The following ISOC1 variants were observed in gnomAD, a reference collection of about 807,000 sequenced individuals.
ISOC1 encodes the protein isochorismatase domain-containing protein 1.
A neutral mutation model predicts 30.0 loss-of-function variants in ISOC1; 33 were observed. The ratio of observed to expected loss-of-function variants is 1.10; its 90% confidence interval spans 0.83 to 1.47. The LOEUF (loss-of-function observed/expected upper bound fraction) is 1.47. Ranked by LOEUF, ISOC1 falls within the 40% of genes most tolerant of loss-of-function variation. The pLI, the probability that ISOC1 is intolerant of heterozygous loss-of-function variation, is 0.00. For synonymous variants in ISOC1, 178 were observed against 159.8 expected (o/e 1.11, Z -0.86); for missense variants, 372 against 388.0 (o/e 0.96, Z 0.35).
At chr5:129,111,621 C>CT (rs972828933) in intron 4 of ISOC1, among the ~76,000 whole-genome samples, 3 of 151,978 alleles carry the variant, frequency 2.0e-5, no homozygotes, top group Non-Finnish European at 2.9e-5. Context: ...CAGTTTGTGT[C>CT]TTTTTTTTCC....
intron 1 of ISOC1, among the ~76,000 whole-genome samples, chr5:129,100,523 A>T (rs1399671867): frequency 1.3e-5 from 2 of 152,142 alleles, no homozygotes. Context: ...TGATTTGTTT[A>T]TATTCCTTAA....
intron 4 of ISOC1, among the ~76,000 whole-genome samples, chr5:129,111,464 A>G (rs879945238): frequency 2.0e-5 from 3 of 152,194 alleles, no homozygotes; most frequent in Non-Finnish European, 4.4e-5. Context: ...CTGCTGATGT[A>G]CAGCCATTGA....
rs572683536 is a variant in ISOC1, at chr5:129,094,846, C to T, written c.80C>T (p.Pro27Leu). 5.7e-6 allele frequency: 9 copies of T among 1,567,830 alleles called. No individual in the cohort carries two copies. The highest frequency in any genetic ancestry group is 6.9e-6 in the Non-Finnish European group (8 of 1,159,034). ...GGAGAPSGTV[P>L]VLFCFSVFAR... The stretch of plus-strand genomic sequence containing the variant: ...GCGGGGGCGCCGTCGGGCACAGTCC[C>T]GGTGCTCTTCTGTTTCTCAGTCTTC... Residue 27 changes from proline to leucine, a missense_variant, in exon 1 of 5, where the codon CCG becomes CTG. By Grantham distance (98) the Pro-to-Leu change is moderately conservative. Coordinates refer to ENST00000173527, the MANE Select transcript of ISOC1 (RefSeq NM_016048.2).
At chr5:129,110,839 A>G (rs916139141) in intron 4 of ISOC1, among the ~76,000 whole-genome samples, 3 of 152,158 alleles carry the variant, frequency 2.0e-5, no homozygotes, top group Admixed American at 2.0e-4. Context: ...CTTTATTGGC[A>G]CATTGGAGTA....
Position 129,095,058 on chromosome 5 carries a change from G to T in ISOC1, c.292G>T (p.Val98Leu). ...GAGCGAGCGCTGCAAGGTGCGCCTC[G>T]TGCCGTTGCAGATCCAGGTGGGTCC... The part of the protein sequence containing the change: ...AVSERCKVRL[V>L]PLQIQLTTLG... Residue 98 changes from valine (V) to leucine (L), a missense_variant, in exon 1 of 5, where the codon GTG becomes TTG. Physicochemically the swap from Val to Leu is conservative, Grantham distance 32. Transcript: ENST00000173527. The T allele has an allele frequency of 6.3e-7, 1 of 1,581,836 alleles. No individual in the cohort carries two copies.
rs1356231466 is a variant in ISOC1, at chr5:129,112,828, T to C, written c.751-27T>C. On this transcript the variant is annotated intron_variant, in intron 4 of 4. Coordinates refer to ENST00000173527, the MANE Select transcript of ISOC1 (RefSeq NM_016048.2). ...AGTGTTCATTCTCATGCTTATTTCTTGATTTGCCTTTATCTTTTTGTTCAA... is the reference window on the plus strand; with the variant it reads ...AGTGTTCATTCTCATGCTTATTTCTCGATTTGCCTTTATCTTTTTGTTCAA... The C allele has an allele frequency of 3.7e-6, 6 of 1,606,172 alleles. 1 individual carries two copies. In the South Asian group the frequency reaches 5.6e-5, roughly 15 times the overall value.
chr5:129,109,221 G>A (rs1303267754), intron 4 of ISOC1, among the ~76,000 whole-genome samples: 1 of 152,134 alleles, frequency 6.6e-6, no homozygotes, highest in Non-Finnish European at 1.5e-5. Context: ...ACACAATGTG[G>A]GGATAATGTG....
At chr5:129,100,498 A>G (rs1753557235) in intron 1 of ISOC1, among the ~76,000 whole-genome samples, 1 of 152,182 alleles carries the variant, frequency 6.6e-6, no homozygotes, top group Non-Finnish European at 1.5e-5. Flanking sequence ...GTGTGTGGAT[A>G]CATATATTTA....
chr5:129,112,029 T>C (rs1006052958), intron 4 of ISOC1, among the ~76,000 whole-genome samples: 2 of 152,156 alleles, frequency 1.3e-5, no homozygotes, highest in Non-Finnish European at 2.9e-5. Flanking sequence ...CTGTTAATTA[T>C]AGGAAGGACT....
intron 1 of ISOC1, among the ~76,000 whole-genome samples, chr5:129,102,912 T>G (rs1035948551): frequency 1.3e-5 from 2 of 152,224 alleles, no homozygotes; most frequent in African/African-American, 4.8e-5. Context: ...AAATAGGATC[T>G]GAGAGCTGGA....
At chr5:129,100,928 C>G (rs1261989391) in intron 1 of ISOC1, among the ~76,000 whole-genome samples, 3 of 150,310 alleles carry the variant, frequency 2.0e-5, no homozygotes, top group Non-Finnish European at 4.4e-5. Context: ...AAAAAACTAA[C>G]TTTTTATTTT....
chr5:129,107,046 GGATGTTTGCCCTC>G lies in ISOC1; in HGVS notation c.737_749del (p.Met246SerfsTer9). On this transcript the variant is annotated frameshift_variant, in exon 4 of 5. Coordinates refer to ENST00000173527, the MANE Select transcript of ISOC1 (RefSeq NM_016048.2). LOFTEE classifies it high-confidence loss of function. ...ACCTCATCAAGAAGCATGATGGACA[GGATGTTTGCCCTC>G]GAGGTAATTGTCCTGCTTGGGAATA... 6.2e-7 allele frequency: 1 copy of G among 1,613,478 alleles called. No individual in the cohort carries two copies. The highest frequency in any genetic ancestry group is 8.5e-7 in the Non-Finnish European group (1 of 1,179,486).
In ISOC1 at chr5:129,104,717, T is replaced by A. The variant is rs1470952350; in HGVS notation, c.310-239T>A. Among the ~76,000 whole-genome samples the A allele has an allele frequency of 2.0e-5, 3 of 150,614 alleles. No individual in the cohort carries two copies. In the East Asian group the frequency reaches 5.8e-4, roughly 29 times the overall value. ...CATGTGAATGTGTTAAAATGTGTTA[T>A]ATCATATCTGTATTGTTGGCTGGTT... On this transcript the variant is annotated intron_variant, in intron 1 of 4. Coordinates refer to ENST00000173527, the MANE Select transcript of ISOC1 (RefSeq NM_016048.2).
Position 129,113,059 on chromosome 5 carries a change from T to G in ISOC1, c.*58T>G, listed in dbSNP as rs1297870336. 6.7e-7 allele frequency: 1 copy of G among 1,491,324 alleles called. No homozygotes were observed. Among genetic ancestry groups the G allele is most frequent in the East Asian group, 2.3e-5 (1 of 43,578 alleles). The allele number at this position is 1,491,324 out of a possible 1,614,324, so 92.4% of individuals were successfully genotyped here. On this transcript the variant is annotated 3_prime_UTR_variant, in exon 5 of 5. Transcript: ENST00000173527. ...TGAAGGACAGTCAGGTGAAGGACTG[T>G]AAGCCCACACAAGCTCTTCTTATCT...
chr5:129,095,148 G>A lies in ISOC1; in HGVS notation c.309+73G>A, dbSNP rs1580784531. 6.3e-6 allele frequency: 9 copies of A among 1,418,664 alleles called. No homozygotes were observed. In the East Asian group the frequency reaches 2.4e-4, roughly 37 times the overall value. 87.9% of individuals were successfully genotyped at this position (1,418,664 alleles called of 1,614,324 possible). ...CGTCCCCGTCCCTGTCCCCGCCTTC[G>A]CCGCGCTCCTCAGGTGCCCCGAGCC... On this transcript the variant is annotated intron_variant, in intron 1 of 4. Transcript: ENST00000173527.
intron 1 of ISOC1, among the ~76,000 whole-genome samples, chr5:129,103,823 A>G (rs999972906): frequency 2.6e-5 from 4 of 152,142 alleles, no homozygotes; most frequent in African/African-American, 7.2e-5. Flanking sequence ...AAAGTAGGAT[A>G]ATTAGAGGGA....
chr5:129,107,059 C>T lies in ISOC1; in HGVS notation c.747C>T (p.Leu249=), dbSNP rs779586277. ...SRSMMDRMFA[L]ERLARTGIIV... ...GCATGATGGACAGGATGTTTGCCCT[C>T]GAGGTAATTGTCCTGCTTGGGAATA... is the stretch of plus-strand genomic sequence containing the variant. The change falls in exon 4 of 5, where the codon CTC becomes CTT. Residue 249 remains leucine (L), a synonymous_variant. Coordinates refer to ENST00000173527, the MANE Select transcript of ISOC1 (RefSeq NM_016048.2). The T allele has an allele frequency of 2.7e-5, 44 of 1,610,104 alleles. 2 individuals are homozygous for T. The Middle Eastern group carries it at 9.9e-4, about 36-fold the overall frequency.
chr5:129,095,058 G>C lies in ISOC1; in HGVS notation c.292G>C (p.Val98Leu). Residue 98 changes from valine to leucine, a missense_variant, in exon 1 of 5, where the codon GTG becomes CTG. Val to Leu is a conservative substitution (Grantham distance 32). Coordinates refer to ENST00000173527, the MANE Select transcript of ISOC1 (RefSeq NM_016048.2). ...GAGCGAGCGCTGCAAGGTGCGCCTC[G>C]TGCCGTTGCAGATCCAGGTGGGTCC... ...AVSERCKVRL[V>L]PLQIQLTTLG... 6.3e-7 allele frequency: 1 copy of C among 1,581,836 alleles called. No individual in the cohort carries two copies. The highest frequency in any genetic ancestry group is 8.6e-7 in the Non-Finnish European group (1 of 1,167,210).
intron 1 of ISOC1, among the ~76,000 whole-genome samples, chr5:129,099,283 A>G (rs1753544154): frequency 3.3e-5 from 5 of 152,126 alleles, no homozygotes; most frequent in Admixed American, 3.3e-4. Flanking sequence ...GGGCTTGTCT[A>G]GCTTCACCTT....
Sources: allele counts gnomAD v4.1 joint callset (sites outside exome capture counted in the v4.1 genomes callset), GRCh38; gene constraint gnomAD v4.1.1; transcripts MANE v1.5; gene names NCBI Gene and HGNC (gene_info 2026-07-23, HGNC 2026-07-21).